Variants in PRRC2B observed in about 807,000 individuals in gnomAD.
PRRC2B encodes the protein proline rich coiled-coil 2B.
In PRRC2B, 68 loss-of-function variants were observed where a neutral mutation model predicts 242.3. That is an observed-to-expected ratio of 0.28 (90% CI 0.23 to 0.34). The LOEUF (loss-of-function observed/expected upper bound fraction) is 0.34, where lower values mean the gene tolerates loss of function less well. PRRC2B is among the 10% of genes least tolerant of loss of function. PRRC2B has a pLI of 1.00. For synonymous variants in PRRC2B, 1,228 were observed against 1,173.6 expected, an observed-to-expected ratio of 1.05 and a Z score of -0.95; for missense variants, 2,835 against 2,954.8, an observed-to-expected ratio of 0.96 and a Z score of 0.94.
chr9:131,430,125 C>T lies in PRRC2B; in HGVS notation c.-20C>T. On this transcript the variant is annotated 5_prime_UTR_variant, in exon 2 of 32. Transcript: ENST00000683519. ...AGCGGTGCCGAGAAAAATTTCCTTACTAGATGACATTTCATCGCAATGTCC... is the reference window on the plus strand; with the variant it reads ...AGCGGTGCCGAGAAAAATTTCCTTATTAGATGACATTTCATCGCAATGTCC... 1.4e-6 allele frequency: 2 copies of T among 1,480,586 alleles called. No homozygotes were observed. Among genetic ancestry groups the T allele is most frequent in the Non-Finnish European group, 1.9e-6 (2 of 1,077,546 alleles). The allele number at this position is 1,480,586 out of a possible 1,614,324, so 91.7% of individuals were successfully genotyped here.
At position 131,470,929 on chromosome 9, in the gene PRRC2B, A is replaced by G. The variant is rs1377965375; in HGVS notation, c.2053A>G (p.Ile685Val). The G allele has an allele frequency of 6.2e-7, 1 of 1,610,600 alleles. No individual in the cohort carries two copies. Among genetic ancestry groups the G allele is most frequent in the Non-Finnish European group, 8.5e-7 (1 of 1,178,398 alleles). ...GATGCCTTCCTACATGGACCCACGT[A>G]TCACGCCCACTCGGACCCCGGTGGA... ...MMMPSYMDPR[I>V]TPTRTPVDFY... Residue 685 changes from isoleucine to valine, a missense_variant, in exon 14 of 32, where the codon ATC becomes GTC. Coordinates refer to ENST00000683519, the MANE Select transcript of PRRC2B (RefSeq NM_013318.4).
upstream of PRRC2B, among the ~76,000 whole-genome samples, chr9:131,391,991 T>C (rs1237410969): frequency 6.6e-6 from 1 of 152,136 alleles, no homozygotes; most frequent in Admixed American, 6.6e-5. Flanking sequence ...TCTGCCTGCC[T>C]CGGCCTCCCA....
Position 131,484,676 on chromosome 9 carries a change from T to A in PRRC2B, c.5461-10T>A, listed in dbSNP as rs751065088. On this transcript the variant is annotated splice_polypyrimidine_tract_variant and intron_variant, in intron 23 of 31. Coordinates refer to ENST00000683519, the MANE Select transcript of PRRC2B (RefSeq NM_013318.4). ...TTTGTGTTCCATGGTTTCCTTTTCC[T>A]CCTCTCCAGGCAGGGTTAACACAGA... 3.1e-6 allele frequency: 5 copies of A among 1,588,578 alleles called. No homozygotes were observed. In the South Asian group the frequency reaches 5.7e-5, roughly 18 times the overall value.
intron 1 of PRRC2B, among the ~76,000 whole-genome samples, chr9:131,376,143 G>C (rs1836681292): frequency 6.6e-6 from 1 of 151,518 alleles, no homozygotes; most frequent in South Asian, 2.1e-4. Flanking sequence ...CCTGAGGTCA[G>C]GCGTTCAAGA....
chr9:131,432,575 AC>A lies in PRRC2B; in HGVS notation c.116-40del, dbSNP rs1358576826. 5.1e-6 allele frequency: 8 copies of A among 1,576,754 alleles called. 1 individual carries two copies. The South Asian group carries it at 9.1e-5, about 18-fold the overall frequency. ...TGCATCAGGCTTCTTTCCTTCTGTG[AC>A]CTTTTTGCATGGTGTCTGTTCCATG... On this transcript the variant is annotated intron_variant, in intron 2 of 31. Coordinates refer to ENST00000683519, the MANE Select transcript of PRRC2B (RefSeq NM_013318.4).
rs1385235903 is a variant in PRRC2B, at chr9:131,494,779, G to T, written c.6555+293G>T. On this transcript the variant is annotated intron_variant, in intron 31 of 31. Coordinates refer to ENST00000683519, the MANE Select transcript of PRRC2B (RefSeq NM_013318.4). The surrounding 1 kb of genome is among the most constrained non-coding windows in gnomAD (Gnocchi z 4.3). ...CCAGCCCTGGCAGGTCGGGGCTGAG[G>T]CGCCCTGGGAGACTCGGTTAGGTTT... is the stretch of plus-strand genomic sequence containing the variant. Among the ~76,000 whole-genome samples the T allele has an allele frequency of 6.6e-6, 1 of 152,210 alleles. No homozygotes were observed.
chr9:131,384,181 C>T (rs1836799330), intron 1 of PRRC2B, among the ~76,000 whole-genome samples: 1 of 151,066 alleles, frequency 6.6e-6, no homozygotes. Flanking sequence ...CCTCTGTCTG[C>T]CTCCCGTGCT....
At chr9:131,436,990 C>G (rs758181343) in intron 4 of PRRC2B, among the ~76,000 whole-genome samples, 1 of 152,118 alleles carries the variant, frequency 6.6e-6, no homozygotes, top group Admixed American at 6.6e-5. Flanking sequence ...CTTGATTTAC[C>G]GTGAGGCAGG....
chr9:131,374,605 A>C (rs1348773944), intron 1 of PRRC2B, among the ~76,000 whole-genome samples: 3 of 152,086 alleles, frequency 2.0e-5, no homozygotes, highest in South Asian at 4.1e-4. Flanking sequence ...GGCTCACTGC[A>C]ACCTCTGCCG....
chr9:131,438,975 C>T lies in PRRC2B; in HGVS notation c.397-14C>T. On this transcript the variant is annotated splice_polypyrimidine_tract_variant and intron_variant, in intron 4 of 31. Transcript: ENST00000683519. ...AGGGAGCTGGCCCTCTTCTGATTCT[C>T]TTCCTTCTTTCAGAATACAAATTCA... 6.2e-7 allele frequency: 1 copy of T among 1,607,032 alleles called. No individual in the cohort carries two copies. The highest frequency in any genetic ancestry group is 1.1e-5 in the South Asian group (1 of 90,192).
At position 131,494,523 on chromosome 9, in the gene PRRC2B, A is replaced by G. The variant is rs778554200; in HGVS notation, c.6555+37A>G. 1.6e-5 allele frequency: 19 copies of G among 1,186,882 alleles called. No individual in the cohort carries two copies. Among genetic ancestry groups the G allele is most frequent in the Non-Finnish European group, 2.2e-5 (18 of 817,542 alleles). 73.5% of individuals were successfully genotyped at this position (1,186,882 alleles called of 1,614,324 possible). ...CTTTCCAGACCCTTCAGCCCTGGAC[A>G]CTTAGGCCCGTCTCCAAGCGCCAAA... On this transcript the variant is annotated intron_variant, in intron 31 of 31. Transcript: ENST00000683519. The surrounding 1 kb of genome is among the most constrained non-coding windows in gnomAD (Gnocchi z 4.3).
chr9:131,395,717 G>T (rs1837032357), intron 1 of PRRC2B, among the ~76,000 whole-genome samples: 1 of 152,198 alleles, frequency 6.6e-6, no homozygotes, highest in South Asian at 2.1e-4. Flanking sequence ...CTGGCCTAAG[G>T]CATGGACAAT....
intron 13 of PRRC2B, among the ~76,000 whole-genome samples, chr9:131,469,428 A>T (rs1187822923): frequency 6.6e-6 from 1 of 152,108 alleles, no homozygotes; most frequent in Non-Finnish European, 1.5e-5. Flanking sequence ...TAGGGTGTAG[A>T]CAGGAGGTGG....
At chr9:131,404,235 T>G (rs78939084) in intron 1 of PRRC2B, among the ~76,000 whole-genome samples, 2 of 150,740 alleles carry the variant, frequency 1.3e-5, no homozygotes, top group East Asian at 1.9e-4. Context: ...TTTTTTTTTT[T>G]GGTGGTGGGG....
intron 10 of PRRC2B, among the ~76,000 whole-genome samples, chr9:131,457,885 C>G (rs954699486): frequency 6.6e-6 from 1 of 152,158 alleles, no homozygotes; most frequent in Non-Finnish European, 1.5e-5. Flanking sequence ...ATCTCCTAAG[C>G]TATGTTACCT....
chr9:131,492,440 G>T (rs998149150), intron 30 of PRRC2B, among the ~76,000 whole-genome samples, 180 bp downstream of exon 30: 1 of 152,182 alleles, frequency 6.6e-6, no homozygotes, highest in African/African-American at 2.4e-5. Context: ...TAAATTTGGG[G>T]GAGTGAGGAG....
chr9:131,426,397 T>A (rs1375144024), intron 1 of PRRC2B, among the ~76,000 whole-genome samples: 1 of 151,338 alleles, frequency 6.6e-6, no homozygotes, highest in Non-Finnish European at 1.5e-5. Context: ...AGGAAAATCA[T>A]TCAATGTGAA....
rs1370522767 is a variant in PRRC2B, at chr9:131,479,306, A to C, written c.4813A>C (p.Lys1605Gln). Residue 1605 changes from lysine (K) to glutamine (Q), a missense_variant, in exon 19 of 32, where the codon AAG (lysine) becomes CAG (glutamine). Around this residue, in one of 7 missense-constraint regions of PRRC2B, gnomAD observed 1,536 missense variants for 1,483.1 expected, o/e 1.04. Coordinates refer to ENST00000683519, the MANE Select transcript of PRRC2B (RefSeq NM_013318.4). ...SSRIPPRFAK[K>Q]QNNLCLEQGD... Reference sequence around the variant, plus strand: ...CCGTATTCCTCCTCGATTTGCAAAAAAGCAGAACAACTTATGTCTGGAGCA... The same window carrying C: ...CCGTATTCCTCCTCGATTTGCAAAACAGCAGAACAACTTATGTCTGGAGCA... 2 of 1,613,806 alleles carry C rather than the reference A, an allele frequency of 1.2e-6. No homozygotes were observed. Among genetic ancestry groups the C allele is most frequent in the South Asian group, 1.1e-5 (1 of 91,084 alleles).
chr9:131,482,627 T>C lies in PRRC2B; in HGVS notation c.5175+65T>C, dbSNP rs576281535. ...TGGAAGGGGCCATCGTCTCATCATC[T>C]TCCTCAATTCCTGGGACAGTAGAAG... On this transcript the variant is annotated intron_variant, in intron 21 of 31. Coordinates refer to ENST00000683519, the MANE Select transcript of PRRC2B (RefSeq NM_013318.4). The surrounding 1 kb of genome is among the most constrained non-coding windows in gnomAD (Gnocchi z 5.2). 1.3e-3 allele frequency: 1,947 copies of C among 1,525,666 alleles called. 2 individuals are homozygous for C. Among genetic ancestry groups the C allele is most frequent in the Non-Finnish European group, 1.6e-3 (1,822 of 1,132,510 alleles). The allele number at this position is 1,525,666 out of a possible 1,614,324, so 94.5% of individuals were successfully genotyped here.
Sources: allele counts gnomAD v4.1 joint callset (sites outside exome capture counted in the v4.1 genomes callset), GRCh38; gene constraint gnomAD v4.1.1; regional missense constraint gnomAD v4.1.1; non-coding constraint Gnocchi (gnomAD v3.1); transcripts MANE v1.5; gene names NCBI Gene and HGNC (gene_info 2026-07-23, HGNC 2026-07-21).